SBF2: variants seen among roughly 807,000 people sequenced by gnomAD.
SBF2 encodes the protein SET binding factor 2.
Under a neutral mutation model 225.2 loss-of-function variants are expected in SBF2, and 112 were observed. That is an observed-to-expected ratio of 0.50 (90% CI 0.43 to 0.58). The LOEUF is 0.58. Among genes scored for constraint, SBF2 ranks in the 20% least tolerant of loss-of-function variants. The probability of loss-of-function intolerance (pLI) is 0.00; values close to 1 mark genes in which losing one functional copy is unlikely to be tolerated. For missense variants in SBF2, 1,996 were observed against 2,206.2 expected, an observed-to-expected ratio of 0.90 and a Z score of 1.91; for synonymous variants, 763 against 773.3, an observed-to-expected ratio of 0.99 and a Z score of 0.22.
At chr11:10,191,456 A>G (rs1957166686) in intron 2 of SBF2, among the ~76,000 whole-genome samples, 1 of 152,238 alleles carries the variant, frequency 6.6e-6, no homozygotes, top group Non-Finnish European at 1.5e-5. Context: ...GATGTAAGAT[A>G]AATTTATTTT....
intron 36 of SBF2, 76 bp downstream of exon 36, chr11:9,787,558 T>C (rs1852453016): frequency 2.4e-6 from 3 of 1,258,800 alleles, no homozygotes; most frequent in Admixed American, 1.8e-5. Context: ...TCTTGTCACC[T>C]GTGGCAGCAG....
At chr11:10,167,110 T>C (rs963064230) in intron 2 of SBF2, among the ~76,000 whole-genome samples, 1 of 152,328 alleles carries the variant, frequency 6.6e-6, no homozygotes, top group East Asian at 1.9e-4. Context: ...TATCTGACTA[T>C]ATTTCCCTAC....
At chr11:9,879,199 C>G (rs1859535686) in intron 17 of SBF2, among the ~76,000 whole-genome samples, 1 of 152,122 alleles carries the variant, frequency 6.6e-6, no homozygotes, top group Admixed American at 6.6e-5. Flanking sequence ...ACAATGCTGG[C>G]TAATACAAAG....
At chr11:10,130,076 C>T (rs1042270649) in intron 2 of SBF2, among the ~76,000 whole-genome samples, 2 of 152,024 alleles carry the variant, frequency 1.3e-5, no homozygotes, top group Non-Finnish European at 2.9e-5. Flanking sequence ...AATTTCAATA[C>T]ACCTCGCCAG....
rs117857609 is a variant in SBF2, at chr11:9,930,990, C to T, written c.1860+30967G>A. The stretch of plus-strand genomic sequence containing the variant: ...CTGGTCCCATGTCCACAGAGCCTTG[C>T]TCACTGCAAGCTAGCACAGCAGTCT... On this transcript the variant is annotated intron_variant, in intron 16 of 39. Transcript: ENST00000256190. Among the ~76,000 whole-genome samples, 35 of 152,394 alleles carry T rather than the reference C, an allele frequency of 2.3e-4. No homozygotes were observed. In the East Asian group the frequency reaches 6.2e-3, roughly 27 times the overall value.
intron 1 of SBF2, among the ~76,000 whole-genome samples, chr11:10,276,433 A>G (rs1962965103): frequency 6.6e-6 from 1 of 152,144 alleles, no homozygotes; most frequent in South Asian, 2.1e-4. Flanking sequence ...CTCTAATATA[A>G]TCTTCATTTA....
Position 9,796,300 on chromosome 11 carries a change from G to A in SBF2, c.4444-343C>T, listed in dbSNP as rs1173049380. ...CCAATGACATTAAACAGTAGTTAGT[G>A]AGCCCAAATTTAACCCTGGCTTATT... On this transcript the variant is annotated intron_variant, in intron 32 of 39. Coordinates refer to ENST00000256190, the MANE Select transcript of SBF2 (RefSeq NM_030962.4). 2.0e-5 allele frequency among the ~76,000 whole-genome samples: 3 copies of A among 152,154 alleles called. No homozygotes were observed. In the East Asian group the frequency reaches 5.8e-4, roughly 29 times the overall value.
intron 1 of SBF2, among the ~76,000 whole-genome samples, chr11:10,245,339 A>G (rs925103477): frequency 6.6e-6 from 1 of 151,334 alleles, no homozygotes; most frequent in Admixed American, 6.6e-5. Context: ...TGATTCCAGG[A>G]GTTCCAGACT....
chr11:9,855,458 T>C (rs1046139491), intron 19 of SBF2, among the ~76,000 whole-genome samples: 1 of 152,084 alleles, frequency 6.6e-6, no homozygotes, highest in Non-Finnish European at 1.5e-5. Context: ...TGAAGGAGCA[T>C]GAGGAGAAGA....
chr11:9,823,062 C>A (rs1210911233), intron 28 of SBF2, among the ~76,000 whole-genome samples: 2 of 152,200 alleles, frequency 1.3e-5, no homozygotes, highest in Non-Finnish European at 2.9e-5. Flanking sequence ...GGCTACTTCT[C>A]AAATATACCC....
chr11:10,098,475 T>TAA (rs1555023189), intron 2 of SBF2, among the ~76,000 whole-genome samples: 6 of 135,776 alleles, frequency 4.4e-5, no homozygotes, highest in Admixed American at 7.3e-5. Flanking sequence ...CAAGGAAAAT[T>TAA]AAAAAAAAAA....
At chr11:9,791,573 C>T (rs1339408963) in intron 33 of SBF2, among the ~76,000 whole-genome samples, 2 of 152,118 alleles carry the variant, frequency 1.3e-5, no homozygotes, top group African/African-American at 4.8e-5. Context: ...TTTAAAAAAC[C>T]AAGGGCTTTA....
chr11:9,783,494 G>A (rs1852169235), intron 38 of SBF2, among the ~76,000 whole-genome samples: 2 of 152,210 alleles, frequency 1.3e-5, no homozygotes, highest in Admixed American at 6.5e-5. Context: ...CCTCAAGGCT[G>A]AGTGGTCAGT....
At chr11:10,285,539 G>A (rs941274187) in intron 1 of SBF2, among the ~76,000 whole-genome samples, 1 of 152,148 alleles carries the variant, frequency 6.6e-6, no homozygotes, top group Admixed American at 6.5e-5. Context: ...CTTCAGCTAT[G>A]TCAGGAAACA....
intron 1 of SBF2, among the ~76,000 whole-genome samples, chr11:10,281,921 A>T (rs1591362326): frequency 1.3e-5 from 2 of 151,934 alleles, no homozygotes; most frequent in Non-Finnish European, 1.5e-5. Flanking sequence ...GTTGCCTCTG[A>T]CTCCTCTTTC....
intron 16 of SBF2, among the ~76,000 whole-genome samples, chr11:9,900,833 C>A (rs890473253): frequency 1.3e-5 from 2 of 152,140 alleles, no homozygotes; most frequent in Non-Finnish European, 2.9e-5. Flanking sequence ...AACTCCTGGG[C>A]TCAAGCGATC....
chr11:9,994,279 C>G (rs980221290), intron 9 of SBF2, among the ~76,000 whole-genome samples: 1 of 151,172 alleles, frequency 6.6e-6, no homozygotes, highest in Non-Finnish European at 1.5e-5. Context: ...TCGAGACCAT[C>G]CTGGCTAACA....
At chr11:10,176,424 C>G (rs1956466116) in intron 2 of SBF2, among the ~76,000 whole-genome samples, 3 of 151,358 alleles carry the variant, frequency 2.0e-5, no homozygotes, top group African/African-American at 7.3e-5. Context: ...AAAGGATCAA[C>G]AAAATTGATA....
intron 2 of SBF2, among the ~76,000 whole-genome samples, chr11:10,176,784 C>G (rs1170732414): frequency 6.6e-6 from 1 of 152,184 alleles, no homozygotes; most frequent in Non-Finnish European, 1.5e-5. Flanking sequence ...TGGTACCAAT[C>G]CCTCTGAAAC....
Sources: gnomAD v4.1 joint callset for allele counts (sites outside exome capture counted in the v4.1 genomes callset) on GRCh38, gnomAD v4.1.1 for gene constraint, MANE v1.5 for transcripts, NCBI Gene and HGNC (gene_info 2026-07-23, HGNC 2026-07-21) for gene names.